PCDH15: variants seen among roughly 807,000 people sequenced by gnomAD.
PCDH15 encodes the protein protocadherin related 15.
A neutral mutation model predicts 178.5 loss-of-function variants in PCDH15; 129 were observed. The observed-to-expected ratio is 0.72, with a 90% CI of 0.63 to 0.84. The LOEUF is 0.84. Among genes scored for constraint, PCDH15 ranks in the 40% least tolerant of loss-of-function variants. PCDH15 has a pLI of 0.00. For missense variants in PCDH15, 2,230 were observed against 2,099.9 expected (o/e 1.06, Z -1.21); for synonymous variants, 800 against 732.0 (o/e 1.09, Z -1.50).
At chr10:54,608,328 C>T (rs1006491311) in intron 2 of PCDH15, among the ~76,000 whole-genome samples, 18 of 151,402 alleles carry the variant, frequency 1.2e-4, no homozygotes, top group Admixed American at 2.0e-4. Flanking sequence ...GAAAAAATAG[C>T]GGACATGGTG....
intron 2 of PCDH15, among the ~76,000 whole-genome samples, chr10:55,427,434 A>T (rs1441108405): frequency 1.3e-5 from 2 of 152,208 alleles, no homozygotes; most frequent in Non-Finnish European, 2.9e-5. Flanking sequence ...TCTGAAAAAC[A>T]CAAAAGAATT....
At chr10:55,415,350 C>A (rs1365062780) in intron 2 of PCDH15, among the ~76,000 whole-genome samples, 1 of 151,540 alleles carries the variant, frequency 6.6e-6, no homozygotes, top group Non-Finnish European at 1.5e-5. Context: ...CTAAAATAAT[C>A]CTTTTTAATT....
At chr10:53,808,491 C>T (rs1564509935) in intron 37 of PCDH15, 1 of 1,377,048 alleles carries the variant, frequency 7.3e-7, no homozygotes, top group Non-Finnish European at 9.4e-7. Context: ...AAGGATTAGT[C>T]AGTTTTACTC....
intron 2 of PCDH15, among the ~76,000 whole-genome samples, chr10:55,354,382 T>C (rs1265406798): frequency 6.6e-6 from 1 of 152,084 alleles, no homozygotes; most frequent in Admixed American, 6.6e-5. Flanking sequence ...ACAATCGGAC[T>C]TAAAGCAGCT....
In PCDH15 at chr10:54,185,268, T is replaced by C. The variant is rs747795209; in HGVS notation, c.1306A>G (p.Thr436Ala). The change falls in exon 12 of 38, where the codon ACA (threonine) becomes GCA (alanine). Residue 436 changes from threonine to alanine, a missense_variant and splice_region_variant. Physicochemically the swap from Thr to Ala is moderately conservative, Grantham distance 58. Transcript: ENST00000644397. ...IVALDKDIED[T>A]KDPELHLFLN... is the part of the protein sequence containing the mutation. ...AAAAGGTGAAGCTCTGGGTCTTTTG[T>C]CTTTGAAAAAAAATGACATCGTTTC... The C allele has an allele frequency of 9.3e-6, 15 of 1,613,488 alleles. No individual in the cohort carries two copies. Among genetic ancestry groups the C allele is most frequent in the East Asian group, 4.5e-5 (2 of 44,794 alleles).
At chr10:53,965,570 C>T (rs1464834187) in intron 21 of PCDH15, among the ~76,000 whole-genome samples, 2 of 152,042 alleles carry the variant, frequency 1.3e-5, no homozygotes, top group East Asian at 3.9e-4. Flanking sequence ...TACAATTGAG[C>T]AAAAGTGCTT....
At chr10:55,283,864 G>A (rs926747527) in intron 1 of PCDH15, among the ~76,000 whole-genome samples, 1 of 151,972 alleles carries the variant, frequency 6.6e-6, no homozygotes, top group East Asian at 1.9e-4. Flanking sequence ...ACAACTCATA[G>A]AAATACTTTT....
intron 2 of PCDH15, among the ~76,000 whole-genome samples, chr10:55,476,188 G>A (rs1840058776): frequency 6.6e-6 from 1 of 151,838 alleles, no homozygotes. Flanking sequence ...ATATGCTAGG[G>A]TGTGACTTAT....
rs530890134 is a variant in PCDH15, at chr10:55,445,487, T to C, written c.-156+182138A>G. ...CTCAGTTTCATCTTTAAAAGAAATA[T>C]TAATAGTAGTAATTATATCTGAAAG... On this transcript the variant is annotated intron_variant, in intron 2 of 5. Transcript: ENST00000613346. 1.2e-4 allele frequency among the ~76,000 whole-genome samples: 18 copies of C among 152,222 alleles called. No homozygotes were observed. In the South Asian group the frequency reaches 3.7e-3, roughly 32 times the overall value.
At chr10:55,383,998 G>T (rs1344683855) in intron 2 of PCDH15, among the ~76,000 whole-genome samples, 1 of 152,220 alleles carries the variant, frequency 6.6e-6, no homozygotes, top group East Asian at 1.9e-4. Flanking sequence ...TGTGTTAAAA[G>T]CATTGAATTT....
intron 8 of PCDH15, among the ~76,000 whole-genome samples, chr10:54,289,506 C>A (rs1451784718): frequency 6.6e-6 from 1 of 152,196 alleles, no homozygotes; most frequent in Non-Finnish European, 1.5e-5. Context: ...AGGAATGCAG[C>A]TCCTCACCAG....
chr10:55,043,397 C>T lies in PCDH15; in HGVS notation c.-80+123179G>A, dbSNP rs75558507. On this transcript the variant is annotated intron_variant, in intron 2 of 5. Coordinates refer to the PCDH15 transcript ENST00000458638. ...TTCTCTTAAGAGTATCCTCTGTCTA[C>T]ATAAAAAAACAGGAAAAACAAAATA... Among the ~76,000 whole-genome samples, 55 of 151,782 alleles carry T rather than the reference C, an allele frequency of 3.6e-4. 1 individual carries two copies. In the East Asian group the frequency reaches 9.7e-3, roughly 27 times the overall value.
At chr10:55,450,776 A>G (rs1839417215) in intron 2 of PCDH15, among the ~76,000 whole-genome samples, 1 of 151,996 alleles carries the variant, frequency 6.6e-6, no homozygotes, top group South Asian at 2.1e-4. Context: ...GTGAGCTCAC[A>G]TCAATGCTAT....
At chr10:55,594,331 T>C (rs551143302) in intron 2 of PCDH15, among the ~76,000 whole-genome samples, 2 of 151,940 alleles carry the variant, frequency 1.3e-5, no homozygotes, top group African/African-American at 4.8e-5. Flanking sequence ...AGTTGTTTGA[T>C]GCAAATAAAT....
chr10:55,142,506 C>G (rs1374215057), intron 2 of PCDH15, among the ~76,000 whole-genome samples: 1 of 150,952 alleles, frequency 6.6e-6, no homozygotes, highest in Non-Finnish European at 1.5e-5. Context: ...CAGGTATTCT[C>G]ATTCACAGAT....
chr10:54,809,171 G>C (rs922018746), intron 3 of PCDH15, among the ~76,000 whole-genome samples: 43 of 152,080 alleles, frequency 2.8e-4, no homozygotes, highest in African/African-American at 1.0e-3. Context: ...TAGGAAAGCT[G>C]TTGGATTCTA....
chr10:54,603,608 C>T (rs2092631955), intron 2 of PCDH15, among the ~76,000 whole-genome samples: 1 of 151,604 alleles, frequency 6.6e-6, no homozygotes, highest in South Asian at 2.1e-4. Context: ...GAACCCAGGG[C>T]TTATATACTA....
intron 2 of PCDH15, chr10:54,600,780 C>T (rs751540974): frequency 4.7e-5 from 21 of 443,090 alleles, no homozygotes; most frequent in Middle Eastern, 8.0e-4. Flanking sequence ...ATAGGGGCTC[C>T]AGACATTGTA....
At chr10:53,972,681 A>G (rs186031022) in intron 21 of PCDH15, among the ~76,000 whole-genome samples, 327 of 152,358 alleles carry the variant, frequency 2.1e-3, no homozygotes, top group African/African-American at 7.1e-3. Flanking sequence ...CAACAGACAC[A>G]TGAAAAAAAT....
Sources: gnomAD v4.1 joint callset for allele counts (sites outside exome capture counted in the v4.1 genomes callset) on GRCh38, gnomAD v4.1.1 for gene constraint, MANE v1.5 for transcripts, NCBI Gene and HGNC (gene_info 2026-07-23, HGNC 2026-07-21) for gene names.